Variants in MOCS1 observed in about 807,000 individuals in gnomAD.
The protein encoded by MOCS1 is molybdenum cofactor biosynthesis protein 1.
Under a neutral mutation model 57.6 loss-of-function variants are expected in MOCS1, and 39 were observed. The observed-to-expected ratio is 0.68, with a 90% confidence interval of 0.52 to 0.88. MOCS1 has a LOEUF of 0.88. Among genes scored for constraint, MOCS1 ranks in the 40% least tolerant of loss-of-function variants. The pLI, the probability that MOCS1 is intolerant of heterozygous loss-of-function variation, is 0.00. For missense variants in MOCS1, 795 were observed against 831.1 expected (o/e 0.96, Z 0.53); for synonymous variants, 334 against 335.7 (o/e 1.00, Z 0.05).
At chr6:39,912,404 CA>C in intron 7 of MOCS1, 30 bp from the exon 8 acceptor site, 1 of 1,491,134 alleles carries the variant, frequency 6.7e-7, no homozygotes. Context: ...AGCAAAAGGG[CA>C]GTGGAGGGGA....
At chr6:39,932,009 C>G (rs1248241452) in intron 1 of MOCS1, among the ~76,000 whole-genome samples, 1 of 152,158 alleles carries the variant, frequency 6.6e-6, no homozygotes, top group Non-Finnish European at 1.5e-5. Flanking sequence ...CTTTCCATAG[C>G]TAGAAGCTAC....
At position 39,905,982 on chromosome 6, in the gene MOCS1, G is replaced by GAGA. The variant is rs1178313036; in HGVS notation, c.*372_*374dup. On this transcript the variant is annotated 3_prime_UTR_variant, in exon 11 of 11. Transcript: ENST00000340692. ...GCTTAATCTCTCCCCAGGAAAGCAG[G>GAGA]AGAAGAGAAAACCCAAAATGAGAAG... 1 of 472,536 alleles carries GAGA rather than the reference G, an allele frequency of 2.1e-6. No individual in the cohort carries two copies. Among genetic ancestry groups the GAGA allele is most frequent in the Non-Finnish European group, 4.2e-6 (1 of 239,220 alleles). The allele number at this position is 472,536 out of a possible 1,614,324, so 29.3% of individuals were successfully genotyped here.
Position 39,907,099 on chromosome 6 carries a change from G to C in MOCS1, c.1169C>G (p.Pro390Arg). Residue 390 changes from proline to arginine, a missense_variant, in exon 11 of 11, where the codon CCC becomes CGC. Coordinates refer to ENST00000340692, the MANE Select transcript of MOCS1 (RefSeq NM_001358530.2). ...MILIELFLMFPNSPPANPSIF... is the reference protein window; with the variant it reads ...MILIELFLMFRNSPPANPSIF... ...GCTTGGATTGGCTGGTGGGGAATTG[G>C]GGAACATCAAAAATAACTCTGCAAG... 1 of 1,612,280 alleles carries C rather than the reference G, an allele frequency of 6.2e-7. No individual in the cohort carries two copies. The highest frequency in any genetic ancestry group is 8.5e-7 in the Non-Finnish European group (1 of 1,179,152).
At chr6:39,909,004 G>T in intron 10 of MOCS1, 51 bp downstream of exon 10, 1 of 1,552,882 alleles carries the variant, frequency 6.4e-7, no homozygotes, top group Non-Finnish European at 8.9e-7. Context: ...CCCACCCCAC[G>T]AGATCCCCAA....
chr6:39,925,848 G>A lies in MOCS1; in HGVS notation c.251-3C>T. On this transcript the variant is annotated splice_polypyrimidine_tract_variant and splice_region_variant and intron_variant, in intron 2 of 10. Coordinates refer to ENST00000340692, the MANE Select transcript of MOCS1 (RefSeq NM_001358530.2). ...CTCCTCGGGCATGCAGTACTGACCT[G>A]AGGGAAGGATGAATGGGAATGTGGA... 1.9e-6 allele frequency: 3 copies of A among 1,606,474 alleles called. No homozygotes were observed. The highest frequency in any genetic ancestry group is 2.2e-5 in the East Asian group (1 of 44,714).
intron 1 of MOCS1, among the ~76,000 whole-genome samples, chr6:39,933,360 C>G (rs1414370940): frequency 2.0e-5 from 3 of 152,190 alleles, no homozygotes; most frequent in African/African-American, 7.2e-5. Flanking sequence ...AAAGTCTTCA[C>G]TTCCCAACCA....
intron 4 of MOCS1, 34 bp downstream of exon 4, chr6:39,916,034 G>T: frequency 6.3e-7 from 1 of 1,575,454 alleles, no homozygotes; most frequent in South Asian, 1.2e-5. Context: ...TGCAGGCCCT[G>T]GGAGGGACAC....
In MOCS1 at chr6:39,923,653, G is replaced by T. The variant is rs148143365; in HGVS notation, c.418+2025C>A. On this transcript the variant is annotated intron_variant, in intron 3 of 10. Coordinates refer to ENST00000340692, the MANE Select transcript of MOCS1 (RefSeq NM_001358530.2). ...CCAGCCTGCCTTTTAGCCCTGAGGA[G>T]CTGCCTGGAACATGGGGTCAGCTTG... Among the ~76,000 whole-genome samples, 351 of 152,384 alleles carry T rather than the reference G, an allele frequency of 2.3e-3. 1 individual carries two copies. Among genetic ancestry groups the T allele is most frequent in the African/African-American group, 8.2e-3 (340 of 41,598 alleles).
At chr6:39,932,969 G>A (rs1768716116) in intron 1 of MOCS1, among the ~76,000 whole-genome samples, 1 of 152,178 alleles carries the variant, frequency 6.6e-6, no homozygotes, top group Non-Finnish European at 1.5e-5. Context: ...TCTCCTTTCT[G>A]CCACATTACC....
At chr6:39,915,344 C>A (rs1351183111) in intron 4 of MOCS1, among the ~76,000 whole-genome samples, 1 of 151,930 alleles carries the variant, frequency 6.6e-6, no homozygotes, top group African/African-American at 2.4e-5. Context: ...AAGCTGTTTC[C>A]AAGGAAGAGG....
intron 8 of MOCS1, among the ~76,000 whole-genome samples, chr6:39,911,849 C>T (rs529719140): frequency 6.6e-6 from 1 of 152,330 alleles, no homozygotes; most frequent in East Asian, 1.9e-4. Flanking sequence ...GGGGTCCCGA[C>T]ATCCCCCACA....
At chr6:39,912,861 A>T in intron 7 of MOCS1, 31 bp downstream of exon 7, 1 of 1,573,902 alleles carries the variant, frequency 6.4e-7, no homozygotes, top group Non-Finnish European at 8.7e-7. Context: ...ACCTTCCTCC[A>T]GGCCTGCCCC....
rs1766672312 is a variant in MOCS1, at chr6:39,904,383, A to AGAAG, written c.*1970_*1973dup. On this transcript the variant is annotated 3_prime_UTR_variant, in exon 11 of 11. Transcript: ENST00000340692. ...CCATGGACTCATACTCAACTGAGTA[A>AGAAG]GAAGGGGCTGGTGCCCAGTCGGGGT... 2 of 456,444 alleles carry AGAAG rather than the reference A, an allele frequency of 4.4e-6. No individual in the cohort carries two copies. Among genetic ancestry groups the AGAAG allele is most frequent in the Non-Finnish European group, 8.8e-6 (2 of 226,978 alleles). 28.3% of individuals were successfully genotyped at this position (456,444 alleles called of 1,614,324 possible). A position where few individuals can be genotyped will look rare whatever the true frequency, so the allele number is the denominator to read the frequency against.
At chr6:39,912,163 C>T in intron 8 of MOCS1, 101 bp downstream of exon 8, 1 of 933,220 alleles carries the variant, frequency 1.1e-6, no homozygotes. Flanking sequence ...TCCCCCGACA[C>T]CGTGCCCTGC....
Position 39,906,987 on chromosome 6 carries a change from G to A in MOCS1, c.1281C>T (p.Cys427=). 1 of 1,614,064 alleles carries A rather than the reference G, an allele frequency of 6.2e-7. No homozygotes were observed. The highest frequency in any genetic ancestry group is 8.5e-7 in the Non-Finnish European group (1 of 1,179,992). Residue 427 remains cysteine (C), a synonymous_variant, in exon 11 of 11, where the codon TGC becomes TGT. Coordinates refer to ENST00000340692, the MANE Select transcript of MOCS1 (RefSeq NM_001358530.2). ...SSQVATLWKG[C]RVPQTPPLAQ... is the part of the protein sequence containing the mutation. ...CTAGAGGAGGGGTCTGGGGGACCCT[G>A]CATCCTTTCCATAAAGTGGCCACCT...
chr6:39,913,711 T>A, intron 5 of MOCS1, 63 bp downstream of exon 5: 1 of 1,566,424 alleles, frequency 6.4e-7, no homozygotes, highest in African/African-American at 1.4e-5. Flanking sequence ...CAAGGGGCGG[T>A]GAGGGGAAGG....
chr6:39,915,173 C>T (rs1320064734), intron 4 of MOCS1, among the ~76,000 whole-genome samples: 1 of 152,182 alleles, frequency 6.6e-6, no homozygotes, highest in Non-Finnish European at 1.5e-5. Flanking sequence ...AAGGACAGGG[C>T]AATGTCTTAT....
In MOCS1 at chr6:39,906,468, G is replaced by A. The variant is rs41273138; in HGVS notation, c.1800C>T (p.Ala600=). The A allele has an allele frequency of 0.02, 31,692 of 1,613,754 alleles. 650 individuals are homozygous for A. The highest frequency in any genetic ancestry group is 0.092 in the African/African-American group (6,871 of 75,014). Residue 600 remains alanine (A), a synonymous_variant, in exon 11 of 11, where the codon GCC becomes GCT. Transcript: ENST00000340692. ...TGCACATGTCATACAGGGTGAGGGC[G>A]GCCACTGCAGCAGAGGTCAGGGCCT... The part of the protein sequence containing the change: ...EMEALTSAAV[A]ALTLYDMCKA...
At chr6:39,918,720 C>A (rs2149410109) in intron 3 of MOCS1, among the ~76,000 whole-genome samples, 1 of 152,050 alleles carries the variant, frequency 6.6e-6, no homozygotes, top group South Asian at 2.1e-4. Flanking sequence ...ATGCAGTAAA[C>A]ACAAGATGCA....
Sources: allele counts gnomAD v4.1 joint callset (sites outside exome capture counted in the v4.1 genomes callset), GRCh38; gene constraint gnomAD v4.1.1; transcripts MANE v1.5; gene names NCBI Gene and HGNC (gene_info 2026-07-23, HGNC 2026-07-21).